SFI1: variants seen among roughly 807,000 people sequenced by gnomAD.
SFI1 encodes protein SFI1 homolog.
SFI1 carries 195 observed loss-of-function variants against 207.5 expected under a neutral mutation model. The ratio of observed to expected loss-of-function variants is 0.94; its 90% confidence interval spans 0.84 to 1.06. SFI1 has a LOEUF of 1.06. Ranked by LOEUF, SFI1 falls within the 50% of genes least tolerant of loss-of-function variation. The probability of loss-of-function intolerance (pLI) is 0.00; values close to 1 mark genes in which losing one functional copy is unlikely to be tolerated. For missense variants in SFI1, 1,634 were observed against 1,588.0 expected (o/e 1.03, Z -0.49); for synonymous variants, 630 against 598.9 (o/e 1.05, Z -0.76).
chr22:31,548,565 C>T (rs988223646), intron 5 of SFI1, among the ~76,000 whole-genome samples: 1 of 151,802 alleles, frequency 6.6e-6, no homozygotes, highest in African/African-American at 2.4e-5. Context: ...ATTAATTGAA[C>T]CCAGGAGGCG....
At chr22:31,564,494 T>C (rs1272669336) in intron 8 of SFI1, among the ~76,000 whole-genome samples, 1 of 151,752 alleles carries the variant, frequency 6.6e-6, no homozygotes, top group Non-Finnish European at 1.5e-5. Flanking sequence ...CTATACTTGC[T>C]CCAGAATTTT....
At chr22:31,601,569 A>G in intron 15 of SFI1, among the ~76,000 whole-genome samples, 1 of 152,166 alleles carries the variant, frequency 6.6e-6, no homozygotes, top group East Asian at 1.9e-4. Flanking sequence ...TGCACTGGAA[A>G]GGGCTCTCAT....
chr22:31,512,278 C>T (rs910683837), intron 2 of SFI1, among the ~76,000 whole-genome samples: 2 of 151,130 alleles, frequency 1.3e-5, no homozygotes, highest in Non-Finnish European at 2.9e-5. Flanking sequence ...TTGCTTGAAC[C>T]CGGGAGGCGG....
chr22:31,575,153 G>A lies in SFI1; in HGVS notation c.923-78G>A, dbSNP rs565375838. 1.3e-5 allele frequency: 17 copies of A among 1,347,562 alleles called. No individual in the cohort carries two copies. The South Asian group carries it at 1.6e-4, about 13-fold the overall frequency. The allele number at this position is 1,347,562 out of a possible 1,614,324, so 83.5% of individuals were successfully genotyped here. On this transcript the variant is annotated intron_variant, in intron 9 of 32. Transcript: ENST00000400288. ...GAACCCCTGCTCTCTGCCAGTAGTGGGGTTCAGCTTGTCTTAAAGATGTTT... is the reference window on the plus strand; with the variant it reads ...GAACCCCTGCTCTCTGCCAGTAGTGAGGTTCAGCTTGTCTTAAAGATGTTT...
chr22:31,593,135 A>ACCC (rs546470043), intron 15 of SFI1, among the ~76,000 whole-genome samples: 1 of 100,154 alleles, frequency 1.0e-5, no homozygotes, highest in South Asian at 3.2e-4. Flanking sequence ...CGGGGGGCTG[A>ACCC]CCCCCCCCCA....
intron 23 of SFI1, 99 bp downstream of exon 23, chr22:31,611,402 C>A: frequency 7.2e-7 from 1 of 1,380,032 alleles, no homozygotes; most frequent in Non-Finnish European, 9.6e-7. Context: ...CCTGACAGCA[C>A]TCCATGCAGC....
At chr22:31,536,897 G>GT (rs925220797) in intron 4 of SFI1, among the ~76,000 whole-genome samples, 185 of 144,736 alleles carry the variant, frequency 1.3e-3, no homozygotes, top group East Asian at 2.0e-3. Flanking sequence ...TCTGTTTTTT[G>GT]TTTTTTTTTT....
intron 8 of SFI1, 33 bp downstream of exon 8, chr22:31,561,425 C>T: frequency 1.3e-6 from 2 of 1,580,660 alleles, no homozygotes; most frequent in Non-Finnish European, 8.6e-7. Flanking sequence ...TTGGCATCCT[C>T]TGTCAGTGTT....
At chr22:31,558,838 A>G (rs943990583) in intron 7 of SFI1, among the ~76,000 whole-genome samples, 5 of 152,000 alleles carry the variant, frequency 3.3e-5, no homozygotes, top group Non-Finnish European at 5.9e-5. Flanking sequence ...TTTATTTGAG[A>G]CAGAGTCTCA....
upstream of SFI1, chr22:31,496,453 G>A (rs1010453720): frequency 6.6e-6 from 1 of 152,348 alleles, no homozygotes; most frequent in Admixed American, 6.5e-5. Context: ...GGTCTGGGCG[G>A]GGTGGTCCTC....
At position 31,606,101 on chromosome 22, in the gene SFI1, A is replaced by C. The variant is rs751978412; in HGVS notation, c.2055-227A>C. On this transcript the variant is annotated intron_variant, in intron 20 of 32. Coordinates refer to ENST00000400288, the MANE Select transcript of SFI1 (RefSeq NM_001007467.3). ...TAGCACCTGGAGTTTGGTCTCCAGC[A>C]GTGCTGGGTCCCTCATGCACTCTTG... 2.7e-4 allele frequency: 139 copies of C among 522,872 alleles called. No individual in the cohort carries two copies. In the Middle Eastern group the frequency reaches 3.1e-3, roughly 12 times the overall value. The allele number at this position is 522,872 out of a possible 1,614,324, so 32.4% of individuals were successfully genotyped here.
intron 12 of SFI1, among the ~76,000 whole-genome samples, chr22:31,582,206 T>TTA (rs1569376532): frequency 4.6e-4 from 17 of 36,616 alleles, no homozygotes; most frequent in African/African-American, 1.9e-3. Flanking sequence ...TTATTACATT[T>TTA]TATATATATA....
In SFI1 at chr22:31,564,794, G is replaced by A. The variant is rs182820057; in HGVS notation, c.765+3402G>A. On this transcript the variant is annotated intron_variant, in intron 8 of 32. Coordinates refer to ENST00000400288, the MANE Select transcript of SFI1 (RefSeq NM_001007467.3). Reference sequence around the variant, plus strand: ...CAAAGTGCTGGGATTACAGGCATGAGCCACCATGCCTGGCCCAGAATTTTT... The same window carrying A: ...CAAAGTGCTGGGATTACAGGCATGAACCACCATGCCTGGCCCAGAATTTTT... Among the ~76,000 whole-genome samples, 620 of 149,416 alleles carry A rather than the reference G, an allele frequency of 4.1e-3. 2 individuals carry two copies. The highest frequency in any genetic ancestry group is 0.015 in the African/African-American group (586 of 40,254).
chr22:31,584,337 C>T (rs1723390598), intron 13 of SFI1, among the ~76,000 whole-genome samples: 1 of 152,090 alleles, frequency 6.6e-6, no homozygotes, highest in Non-Finnish European at 1.5e-5. Flanking sequence ...AGGGAATGTC[C>T]TCAATATTTT....
intron 24 of SFI1, chr22:31,612,096 A>G: frequency 8.6e-7 from 1 of 1,166,728 alleles, no homozygotes; most frequent in African/African-American, 1.6e-5. Context: ...ACATCAGTGG[A>G]GGCCGGGCGC....
rs1187629227 is a variant in SFI1, at chr22:31,528,821, A to G, written c.224A>G (p.His75Arg). The G allele has an allele frequency of 1.9e-6, 3 of 1,614,106 alleles. No homozygotes were observed. The highest frequency in any genetic ancestry group is 2.5e-6 in the Non-Finnish European group (3 of 1,179,982). ...CATCTAGTGCAGTATCGTGGCACAC[A>G]TACTTGTACCCGACAGGGCCGGTTA... Reference protein sequence around the residue: ...TSHLVQYRGTHTCTRQGRLRE... With the variant: ...TSHLVQYRGTRTCTRQGRLRE... Residue 75 changes from histidine (H) to arginine (R), a missense_variant, in exon 3 of 33, where the codon CAT (histidine) becomes CGT (arginine). Physicochemically the swap from His to Arg is conservative, Grantham distance 29. Transcript: ENST00000400288.
intron 8 of SFI1, among the ~76,000 whole-genome samples, chr22:31,562,379 T>C (rs577487140): frequency 1.4e-5 from 2 of 142,446 alleles, no homozygotes; most frequent in African/African-American, 5.3e-5. Flanking sequence ...CCAATAATAA[T>C]AACAGTACCA....
chr22:31,558,012 T>C (rs550136296), intron 7 of SFI1, among the ~76,000 whole-genome samples: 2 of 152,320 alleles, frequency 1.3e-5, no homozygotes, highest in Admixed American at 1.3e-4. Context: ...TTGAACAAAG[T>C]ATGGATAATA....
chr22:31,534,114 CATTTTATTTT>C (rs958471651), intron 4 of SFI1, among the ~76,000 whole-genome samples: 1 of 152,040 alleles, frequency 6.6e-6, no homozygotes, highest in Non-Finnish European at 1.5e-5. Flanking sequence ...TTATTACTCT[CATTTTATTTT>C]ATTTTATTTT....
Sources: gnomAD v4.1 joint callset for allele counts (sites outside exome capture counted in the v4.1 genomes callset) on GRCh38, gnomAD v4.1.1 for gene constraint, MANE v1.5 for transcripts, NCBI Gene and HGNC (gene_info 2026-07-23, HGNC 2026-07-21) for gene names.